The following DCC variants were observed in gnomAD, a reference collection of about 807,000 sequenced individuals.
The protein encoded by DCC is DCC netrin 1 receptor.
A neutral mutation model predicts 172.5 loss-of-function variants in DCC; 58 were observed. That is an observed-to-expected ratio of 0.34 (90% CI 0.27 to 0.42). DCC has a LOEUF of 0.42. Among genes scored for constraint, DCC ranks in the 10% least tolerant of loss-of-function variants. The pLI, the probability that DCC is intolerant of heterozygous loss-of-function variation, is 1.00. For missense variants in DCC, 1,740 were observed against 1,791.0 expected (o/e 0.97, Z 0.51); for synonymous variants, 709 against 644.5 (o/e 1.10, Z -1.52).
intron 1 of DCC, among the ~76,000 whole-genome samples, chr18:52,517,468 C>G (rs1001827285): frequency 2.6e-5 from 4 of 152,202 alleles, no homozygotes; most frequent in Admixed American, 2.6e-4. Flanking sequence ...TGCTTATGAC[C>G]CCTAAACCCA....
chr18:52,711,336 T>C (rs2036288410), intron 1 of DCC, among the ~76,000 whole-genome samples: 2 of 152,148 alleles, frequency 1.3e-5, no homozygotes. Context: ...CAAGTGATTC[T>C]CCTGCCTCAG....
intron 3 of DCC, among the ~76,000 whole-genome samples, chr18:52,909,920 A>G (rs1424238821): frequency 6.6e-6 from 1 of 152,208 alleles, no homozygotes; most frequent in Non-Finnish European, 1.5e-5. Context: ...CTAGGCAAAG[A>G]GAAGTATACA....
intron 1 of DCC, among the ~76,000 whole-genome samples, chr18:52,735,923 T>G (rs1477916499): frequency 6.6e-6 from 1 of 152,164 alleles, no homozygotes; most frequent in Non-Finnish European, 1.5e-5. Flanking sequence ...AAACACTCCA[T>G]GAGGATTTTC....
chr18:53,313,062 GGGTGGA>G (rs2057300352), intron 13 of DCC, among the ~76,000 whole-genome samples: 2 of 117,016 alleles, frequency 1.7e-5, no homozygotes, highest in African/African-American at 2.8e-5. Context: ...GGGAAGGAAA[GGGTGGA>G]AAGGAAGGAA....
At chr18:52,387,715 A>G (rs1361651736) in intron 1 of DCC, among the ~76,000 whole-genome samples, 1 of 151,256 alleles carries the variant, frequency 6.6e-6, no homozygotes, top group East Asian at 2.0e-4. Flanking sequence ...ATTTCTATTT[A>G]TAGTTTGTTC....
intron 5 of DCC, among the ~76,000 whole-genome samples, chr18:53,012,894 C>A (rs946444398): frequency 6.6e-6 from 1 of 151,892 alleles, no homozygotes; most frequent in Non-Finnish European, 1.5e-5. Context: ...AAAAAATGCC[C>A]CATCAAAAAG....
chr18:53,069,803 C>T (rs567875082), intron 7 of DCC, among the ~76,000 whole-genome samples: 2 of 149,566 alleles, frequency 1.3e-5, no homozygotes, highest in Non-Finnish European at 3.0e-5. Context: ...ATAGGCAGTC[C>T]TACTGCCCCC....
chr18:53,449,356 A>G lies in DCC; in HGVS notation c.3230-1144A>G, dbSNP rs141195370. 6.5e-3 allele frequency among the ~76,000 whole-genome samples: 990 copies of G among 152,292 alleles called. 4 individuals are homozygous for G. The highest frequency in any genetic ancestry group is 0.01 in the Middle Eastern group (3 of 294). On this transcript the variant is annotated intron_variant, in intron 22 of 28. Coordinates refer to ENST00000442544, the MANE Select transcript of DCC (RefSeq NM_005215.4). ...ACGTCAAGGGTCATTAGTCATTCTTATTTAGCAAGTAACTCATCACAGATG... is the reference window on the plus strand; with the variant it reads ...ACGTCAAGGGTCATTAGTCATTCTTGTTTAGCAAGTAACTCATCACAGATG...
chr18:53,000,653 TCAGTCAGAGC>T (rs1261801014), intron 5 of DCC, among the ~76,000 whole-genome samples: 36 of 135,872 alleles, frequency 2.6e-4, no homozygotes, highest in African/African-American at 5.1e-4. Context: ...GGACAGGAAC[TCAGTCAGAGC>T]CAGTCAGAGC....
intron 5 of DCC, among the ~76,000 whole-genome samples, chr18:53,019,701 C>A (rs548409322): frequency 6.6e-6 from 1 of 152,002 alleles, no homozygotes; most frequent in South Asian, 2.1e-4. Flanking sequence ...AATTAAGGAC[C>A]ATGGATCAAA....
At chr18:52,661,873 A>G (rs2035367132) in intron 1 of DCC, among the ~76,000 whole-genome samples, 1 of 152,228 alleles carries the variant, frequency 6.6e-6, no homozygotes, top group African/African-American at 2.4e-5. Context: ...AAGCAATCAT[A>G]TAGTAAGAAC....
chr18:52,449,842 G>A (rs1362157119), intron 1 of DCC, among the ~76,000 whole-genome samples: 1 of 152,118 alleles, frequency 6.6e-6, no homozygotes, highest in African/African-American at 2.4e-5. Flanking sequence ...GCTCTTACCT[G>A]CCACCATGTA....
intron 1 of DCC, among the ~76,000 whole-genome samples, chr18:52,609,251 C>T (rs1472144985): frequency 3.3e-5 from 5 of 151,928 alleles, no homozygotes; most frequent in African/African-American, 4.8e-5. Context: ...TAGGAACAAC[C>T]GATCAGAGAG....
chr18:53,128,830 T>TACACACACACAC (rs1209652447), intron 7 of DCC, among the ~76,000 whole-genome samples: 10 of 86,956 alleles, frequency 1.2e-4, no homozygotes, highest in African/African-American at 3.7e-4. Flanking sequence ...TGTATACACA[T>TACACACACACAC]ACACACACAC....
chr18:52,440,353 T>C (rs531920023), intron 1 of DCC, among the ~76,000 whole-genome samples: 1 of 152,214 alleles, frequency 6.6e-6, no homozygotes, highest in Non-Finnish European at 1.5e-5. Flanking sequence ...CAAGACTCTC[T>C]TGAGTTTCTT....
chr18:53,309,962 G>GTATATATATATATATA lies in DCC; in HGVS notation c.2053+4244_2053+4245insATATATATATATATAT, dbSNP rs5825007. Among the ~76,000 whole-genome samples the GTATATATATATATATA allele has an allele frequency of 2.7e-3, 357 of 133,238 alleles. 4 individuals are homozygous for GTATATATATATATATA. Among genetic ancestry groups the GTATATATATATATATA allele is most frequent in the South Asian group, 0.02 (81 of 4,086 alleles). 87.4% of individuals were successfully genotyped at this position (133,238 alleles called of 152,430 possible). ...TATATATACATGTATATATACGTGT[G>GTATATATATATATATA]TGTATATATATATATATATACTCTT... On this transcript the variant is annotated intron_variant, in intron 13 of 28. Transcript: ENST00000442544.
At chr18:53,518,883 T>TTAGAG (rs1199319782) in intron 27 of DCC, among the ~76,000 whole-genome samples, 1 of 152,180 alleles carries the variant, frequency 6.6e-6, no homozygotes, top group Non-Finnish European at 1.5e-5. Context: ...CCACTTATTT[T>TTAGAG]TAGAGTATCT....
rs560385055 is a variant in DCC, at chr18:52,914,985, A to G, written c.697+8657A>G. Among the ~76,000 whole-genome samples, 190 of 152,268 alleles carry G rather than the reference A, an allele frequency of 1.2e-3. 1 individual carries two copies. Among genetic ancestry groups the G allele is most frequent in the African/African-American group, 4.4e-3 (183 of 41,568 alleles). On this transcript the variant is annotated intron_variant, in intron 3 of 28. Transcript: ENST00000442544. ...AGGAATTTAATAAAGAAAACCGAGG[A>G]GTACACAATGAGGAAAAAAGGCTTT...
chr18:52,733,649 C>T (rs140084319), intron 1 of DCC, among the ~76,000 whole-genome samples: 1 of 152,118 alleles, frequency 6.6e-6, no homozygotes, highest in African/African-American at 2.4e-5. Flanking sequence ...TGTGTACCAC[C>T]ACAACTGGCT....
Sources: gnomAD v4.1 joint callset for allele counts (sites outside exome capture counted in the v4.1 genomes callset) on GRCh38, gnomAD v4.1.1 for gene constraint, MANE v1.5 for transcripts, NCBI Gene and HGNC (gene_info 2026-07-23, HGNC 2026-07-21) for gene names.